ECHDC3: variants seen among roughly 807,000 people sequenced by gnomAD.
ECHDC3 encodes enoyl-CoA hydratase domain-containing protein 3, mitochondrial.
In ECHDC3, 20 loss-of-function variants were observed where a neutral mutation model predicts 17.9. The observed-to-expected ratio is 1.12, with a 90% CI of 0.79 to 1.63. ECHDC3 has a LOEUF of 1.63. Among genes scored for constraint, ECHDC3 ranks in the 40% most tolerant of loss-of-function variants. The probability of loss-of-function intolerance (pLI) is 0.00; values close to 1 mark genes in which losing one functional copy is unlikely to be tolerated. For synonymous variants in ECHDC3, 177 were observed against 149.7 expected (o/e 1.18, Z -1.33); for missense variants, 407 against 357.7 (o/e 1.14, Z -1.11).
intron 3 of ECHDC3, among the ~76,000 whole-genome samples, chr10:11,754,116 C>G (rs1023118470): frequency 2.0e-5 from 3 of 152,168 alleles, no homozygotes; most frequent in Non-Finnish European, 1.5e-5. Context: ...CAAAAGGAGA[C>G]CTCCCCCAAA....
chr10:11,763,573 C>T lies in ECHDC3; in HGVS notation c.*29C>T. The T allele has an allele frequency of 6.8e-7, 1 of 1,470,210 alleles. No homozygotes were observed. The highest frequency in any genetic ancestry group is 9.0e-7 in the Non-Finnish European group (1 of 1,111,948). 91.1% of individuals were successfully genotyped at this position (1,470,210 alleles called of 1,614,324 possible). On this transcript the variant is annotated 3_prime_UTR_variant, in exon 5 of 5. Coordinates refer to ENST00000379215, the MANE Select transcript of ECHDC3 (RefSeq NM_024693.5). This position sits in a 1 kb window ranked among gnomAD's most constrained non-coding sequence, Gnocchi z 4.9. Reference sequence around the variant, plus strand: ...GAGGCAGAGGAGTGAGGCCCACGGGCAGCGCCCAGGAGCCCACCTTCCCCT... The same window carrying T: ...GAGGCAGAGGAGTGAGGCCCACGGGTAGCGCCCAGGAGCCCACCTTCCCCT...
rs1442171807 is a variant in ECHDC3 at position 11,748,445 on chromosome 10, C to T, written c.292+975C>T. Among the ~76,000 whole-genome samples, 13 of 151,702 alleles carry T rather than the reference C, an allele frequency of 8.6e-5. No homozygotes were observed. In the East Asian group the frequency reaches 1.8e-3, roughly 20 times the overall value. ...CTTGCTATGTTGCCCAGGCTGGTCT[C>T]GAACTCCTAGCCTCAAGCAACATTG... On this transcript the variant is annotated intron_variant, in intron 2 of 4. Transcript: ENST00000379215.
chr10:11,763,604 C>T lies in ECHDC3; in HGVS notation c.*60C>T. 3 of 1,440,352 alleles carry T rather than the reference C, an allele frequency of 2.1e-6. No individual in the cohort carries two copies. Among genetic ancestry groups the T allele is most frequent in the Non-Finnish European group, 2.7e-6 (3 of 1,100,464 alleles). 89.2% of individuals were successfully genotyped at this position (1,440,352 alleles called of 1,614,324 possible). A position where few individuals can be genotyped will look rare whatever the true frequency, so the allele number is the denominator to read the frequency against. On this transcript the variant is annotated 3_prime_UTR_variant, in exon 5 of 5. Transcript: ENST00000379215. The surrounding 1 kb of genome is among the most constrained non-coding windows in gnomAD (Gnocchi z 4.9). ...CCAGGAGCCCACCTTCCCCTCTGGCCCAGCCACCACTGCCTCTCAGCTTCA... is the reference window on the plus strand; with the variant it reads ...CCAGGAGCCCACCTTCCCCTCTGGCTCAGCCACCACTGCCTCTCAGCTTCA...
At chr10:11,756,709 G>A (rs909658670) in intron 4 of ECHDC3, among the ~76,000 whole-genome samples, 4 of 151,962 alleles carry the variant, frequency 2.6e-5, no homozygotes, top group African/African-American at 2.4e-5. Flanking sequence ...GGATGTTTTC[G>A]ATTCTGTCAA....
chr10:11,743,837 G>A (rs1340166740), intron 1 of ECHDC3, among the ~76,000 whole-genome samples: 1 of 152,220 alleles, frequency 6.6e-6, no homozygotes, highest in Non-Finnish European at 1.5e-5. Flanking sequence ...CCTGACTTCT[G>A]GGCATGGCGG....
chr10:11,759,382 A>AAAAAAAAAAAAAAAAAAAAAAC (rs1554760084), intron 4 of ECHDC3, among the ~76,000 whole-genome samples: 1 of 134,500 alleles, frequency 7.4e-6, no homozygotes. Flanking sequence ...AAAAAAAAAA[A>AAAAAAAAAAAAAAAAAAAAAAC]ACACGCAGTC....
At chr10:11,743,788 G>A (rs934667136) in intron 1 of ECHDC3, among the ~76,000 whole-genome samples, 5 of 152,368 alleles carry the variant, frequency 3.3e-5, no homozygotes, top group African/African-American at 1.2e-4. Flanking sequence ...CCATTGCTAA[G>A]TTTCTGCTTC....
rs200765311 is a variant in ECHDC3, at chr10:11,755,653, G to A, written c.591+45G>A. The stretch of plus-strand genomic sequence containing the variant: ...CCACCTCTGCCTCCCAGCCTTCTCC[G>A]GAGTTCCTCCTCCAGTGCATGCGAT... On this transcript the variant is annotated intron_variant, in intron 4 of 4. Transcript: ENST00000379215. 3.4e-4 allele frequency: 530 copies of A among 1,542,386 alleles called. 1 individual carries two copies. In the African/African-American group the frequency reaches 6.3e-3, roughly 18 times the overall value.
intron 3 of ECHDC3, among the ~76,000 whole-genome samples, chr10:11,753,131 A>T (rs2133791159): frequency 6.6e-6 from 1 of 152,308 alleles, no homozygotes; most frequent in Middle Eastern, 3.4e-3. Context: ...CTGTAATCCC[A>T]GCGCTTTGGG....
intron 4 of ECHDC3, among the ~76,000 whole-genome samples, chr10:11,759,106 C>T (rs1202453866): frequency 6.6e-6 from 1 of 152,208 alleles, no homozygotes; most frequent in Admixed American, 6.5e-5. Context: ...GTAATCCCAG[C>T]ACCGTGGGAG....
chr10:11,751,000 G>T (rs76794708), intron 3 of ECHDC3, among the ~76,000 whole-genome samples: 5 of 152,186 alleles, frequency 3.3e-5, no homozygotes, highest in African/African-American at 1.2e-4. Context: ...GCTTCATGGG[G>T]AAGTGGGAGC....
rs1488363786 is a variant in ECHDC3, at chr10:11,742,474, C to A, written c.-103C>A. 8.8e-6 allele frequency: 10 copies of A among 1,138,482 alleles called. No homozygotes were observed. Among genetic ancestry groups the A allele is most frequent in the Admixed American group, 4.3e-5 (1 of 23,066 alleles). 70.5% of individuals were successfully genotyped at this position (1,138,482 alleles called of 1,614,324 possible). On this transcript the variant is annotated 5_prime_UTR_variant, in exon 1 of 5. Coordinates refer to ENST00000379215, the MANE Select transcript of ECHDC3 (RefSeq NM_024693.5). Reference sequence around the variant, plus strand: ...GGTCTCGGCCACCGTCGAGTTCCGTCGAGTTCCGTCCCGGCCCTGCTCACA... The same window carrying A: ...GGTCTCGGCCACCGTCGAGTTCCGTAGAGTTCCGTCCCGGCCCTGCTCACA...
chr10:11,747,030 G>A (rs1206448923), intron 1 of ECHDC3, among the ~76,000 whole-genome samples: 1 of 152,240 alleles, frequency 6.6e-6, no homozygotes, highest in Non-Finnish European at 1.5e-5. Context: ...GCCTCTCTGG[G>A]TGGTGTTGAT....
chr10:11,748,737 T>C (rs968358850), intron 2 of ECHDC3, among the ~76,000 whole-genome samples: 3 of 152,060 alleles, frequency 2.0e-5, no homozygotes, highest in African/African-American at 4.8e-5. Flanking sequence ...AATACAAAAA[T>C]TAGCTGGGCG....
At position 11,742,507 on chromosome 10, in the gene ECHDC3, C is replaced by G. The variant is rs1832704895; in HGVS notation, c.-70C>G. 8.1e-7 allele frequency: 1 copy of G among 1,239,652 alleles called. No homozygotes were observed. The highest frequency in any genetic ancestry group is 1.6e-5 in the African/African-American group (1 of 63,776). 76.8% of individuals were successfully genotyped at this position (1,239,652 alleles called of 1,614,324 possible). A position where few individuals can be genotyped will look rare whatever the true frequency, so the allele number is the denominator to read the frequency against. On this transcript the variant is annotated 5_prime_UTR_variant, in exon 1 of 5. Transcript: ENST00000379215. ...GTCCCGGCCCTGCTCACAGCAGCGC[C>G]CTCGGAGCGCCCAGCACCTGCGGCC...
At position 11,754,271 on chromosome 10, in the gene ECHDC3, C is replaced by A. The variant is rs979640154; in HGVS notation, c.391-1137C>A. Among the ~76,000 whole-genome samples, 4 of 152,202 alleles carry A rather than the reference C, an allele frequency of 2.6e-5. No homozygotes were observed. The South Asian group carries it at 8.3e-4, about 32-fold the overall frequency. On this transcript the variant is annotated intron_variant, in intron 3 of 4. Transcript: ENST00000379215. ...ACAAAATCTTCAAATCAATGAAGGT[C>A]ATTTGTCTTTGAATACCTGCCTTGG...
At chr10:11,758,519 A>T (rs7085191) in intron 4 of ECHDC3, among the ~76,000 whole-genome samples, 142,403 of 152,318 alleles carry the variant, frequency 0.93, 67,376 homozygotes, top group East Asian at 1. Context: ...ACTGGTGCAG[A>T]TGTTAGAGAG....
rs1832705325 is a variant in ECHDC3 at position 11,742,532 on chromosome 10, C to G, written c.-45C>G. ...CCTCGGAGCGCCCAGCACCTGCGGC[C>G]GGCCAGGCAGCGCGATCCTGCGGCG... On this transcript the variant is annotated 5_prime_UTR_variant, in exon 1 of 5. Transcript: ENST00000379215. 4.7e-5 allele frequency: 59 copies of G among 1,256,296 alleles called. No individual in the cohort carries two copies. The highest frequency in any genetic ancestry group is 5.8e-5 in the Non-Finnish European group (58 of 1,001,084). 77.8% of individuals were successfully genotyped at this position (1,256,296 alleles called of 1,614,324 possible).
At chr10:11,755,726 GC>G in intron 4 of ECHDC3, 118 bp downstream of exon 4, 2 of 989,748 alleles carry the variant, frequency 2.0e-6, no homozygotes, top group Non-Finnish European at 2.9e-6. Flanking sequence ...AGGACGTTCT[GC>G]CCAGAGTGCC....
Sources: gnomAD v4.1 joint callset for allele counts (sites outside exome capture counted in the v4.1 genomes callset) on GRCh38, gnomAD v4.1.1 for gene constraint, Gnocchi (gnomAD v3.1) non-coding constraint, MANE v1.5 for transcripts, NCBI Gene and HGNC (gene_info 2026-07-23, HGNC 2026-07-21) for gene names.